The following SLC22A24 variants were observed in gnomAD, a reference collection of about 807,000 sequenced individuals.
SLC22A24 encodes solute carrier family 22 member 24.
Under a neutral mutation model 49.8 loss-of-function variants are expected in SLC22A24, and 53 were observed. That is an observed-to-expected ratio of 1.06 (90% CI 0.85 to 1.34). The LOEUF (loss-of-function observed/expected upper bound fraction) is 1.34. SLC22A24 is among the 40% of genes most tolerant of loss of function. The pLI, the probability that SLC22A24 is intolerant of heterozygous loss-of-function variation, is 0.00. For missense variants in SLC22A24, 786 were observed against 675.9 expected (o/e 1.16, Z -1.81); for synonymous variants, 302 against 256.4 (o/e 1.18, Z -1.70).
chr11:63,095,859 A>G (rs1322501745), intron 6 of SLC22A24, 132 bp downstream of exon 6: 3 of 674,240 alleles, frequency 4.4e-6, no homozygotes, highest in African/African-American at 1.8e-5. Context: ...ACTTAGAGGC[A>G]TACATTTGTA....
chr11:63,139,456 AAATAT>A (rs1392826818), intron 1 of SLC22A24, among the ~76,000 whole-genome samples: 1 of 152,140 alleles, frequency 6.6e-6, no homozygotes, highest in Non-Finnish European at 1.5e-5. Context: ...ACTAGGTAGG[AAATAT>A]ACCTTAGGGG....
At chr11:63,084,234 T>C (rs2086975152) in intron 6 of SLC22A24, among the ~76,000 whole-genome samples, 1 of 152,170 alleles carries the variant, frequency 6.6e-6, no homozygotes, top group Admixed American at 6.5e-5. Flanking sequence ...CTGACATTTC[T>C]AAGCAGTCTA....
At position 63,112,940 on chromosome 11, in the gene SLC22A24, G is replaced by A. The variant is rs1254480254; in HGVS notation, c.830+5972C>T. On this transcript the variant is annotated intron_variant, in intron 4 of 9. Coordinates refer to ENST00000612278, the MANE Select transcript of SLC22A24 (RefSeq NM_001136506.2). ...TGAGGCAGGAGAATGGCGTGAACCC[G>A]GGAGCCGGAGCTTGTAGTGAGCCAA... Among the ~76,000 whole-genome samples the A allele has an allele frequency of 7.5e-5, 11 of 147,174 alleles. No homozygotes were observed. In the East Asian group the frequency reaches 1.4e-3, roughly 19 times the overall value.
In SLC22A24 at chr11:63,118,042, C is replaced by T. The variant is rs571114873; in HGVS notation, c.830+870G>A. 3.3e-5 allele frequency among the ~76,000 whole-genome samples: 5 copies of T among 152,262 alleles called. No individual in the cohort carries two copies. The South Asian group carries it at 6.2e-4, about 19-fold the overall frequency. ...GTCAGTAAATATGTTTGACAAATGC[C>T]TTATGAGGGGAGCCTTCTCACACTA... On this transcript the variant is annotated intron_variant, in intron 4 of 9. Transcript: ENST00000612278.
intron 2 of SLC22A24, among the ~76,000 whole-genome samples, chr11:63,128,606 C>A (rs993298936): frequency 6.6e-6 from 1 of 152,154 alleles, no homozygotes; most frequent in South Asian, 2.1e-4. Context: ...ATAGCAGTAG[C>A]AGAATTAGTG....
At chr11:63,094,237 C>T (rs541488774) in intron 6 of SLC22A24, among the ~76,000 whole-genome samples, 129 of 146,268 alleles carry the variant, frequency 8.8e-4, no homozygotes, top group African/African-American at 2.9e-3. Context: ...TGAGAACATG[C>T]AGTGTTTGGT....
rs1355910915 is a variant in SLC22A24 at position 63,144,068 on chromosome 11, A to T, written c.-289T>A. 4.0e-6 allele frequency: 1 copy of T among 253,048 alleles called. No individual in the cohort carries two copies. The highest frequency in any genetic ancestry group is 7.5e-6 in the Non-Finnish European group (1 of 133,574). The allele number at this position is 253,048 out of a possible 1,614,324, so 15.7% of individuals were successfully genotyped here. A position where few individuals can be genotyped will look rare whatever the true frequency, so the allele number is the denominator to read the frequency against. ...GTTGACAACTGAATCTTCTTAAAAG[A>T]CTACTCTGTGAAAGATCCTGATCTC... On this transcript the variant is annotated 5_prime_UTR_variant, in exon 1 of 10. Transcript: ENST00000612278.
chr11:63,083,434 T>C lies in SLC22A24; in HGVS notation c.1094A>G (p.Tyr365Cys). 6.4e-7 allele frequency: 1 copy of C among 1,551,180 alleles called. No homozygotes were observed. The highest frequency in any genetic ancestry group is 8.7e-7 in the Non-Finnish European group (1 of 1,146,704). The change falls in exon 7 of 10, where the codon TAT (tyrosine) becomes TGT (cysteine). Residue 365 changes from tyrosine (Y) to cysteine (C), a missense_variant. Transcript: ENST00000612278. ...GTGCTGCAAGTTGAGTATCAGGCCA[T>C]AAAAGGGTACAGTGATTGCGAATCT... The part of the protein sequence containing the change: ...FVRFAITVPF[Y>C]GLILNLQHLG...
At chr11:63,113,853 C>CAAAA (rs376625916) in intron 4 of SLC22A24, among the ~76,000 whole-genome samples, 2 of 100,230 alleles carry the variant, frequency 2.0e-5, no homozygotes, top group Non-Finnish European at 4.1e-5. Context: ...GACTCCATCT[C>CAAAA]AAAAAAAAAA....
chr11:63,083,413 T>A lies in SLC22A24; in HGVS notation c.1115A>T (p.Gln372Leu). ...VPFYGLILNL[Q>L]HLGSNVSLFQ... ...CAGGGAGACATTGCTCCCTAAGTGC[T>A]GCAAGTTGAGTATCAGGCCATAAAA... is the stretch of plus-strand genomic sequence containing the variant. The change falls in exon 7 of 10, where the codon CAG (glutamine) becomes CTG (leucine). Residue 372 changes from glutamine to leucine, a missense_variant. Transcript: ENST00000612278. 1 of 1,551,484 alleles carries A rather than the reference T, an allele frequency of 6.4e-7. No homozygotes were observed. The highest frequency in any genetic ancestry group is 8.7e-7 in the Non-Finnish European group (1 of 1,146,862).
chr11:63,080,864 A>G (rs2086955333), intron 9 of SLC22A24, 56 bp downstream of exon 9: 2 of 1,449,598 alleles, frequency 1.4e-6, no homozygotes, highest in South Asian at 1.3e-5. Flanking sequence ...TTCTCATTAA[A>G]CAGCTACAGC....
intron 4 of SLC22A24, among the ~76,000 whole-genome samples, chr11:63,114,922 C>T (rs1297512721): frequency 6.6e-6 from 1 of 152,154 alleles, no homozygotes; most frequent in Non-Finnish European, 1.5e-5. Context: ...CTGCCTAATC[C>T]TTCCTCTGGA....
At chr11:63,123,873 A>C (rs952757215) in intron 2 of SLC22A24, among the ~76,000 whole-genome samples, 1 of 152,198 alleles carries the variant, frequency 6.6e-6, no homozygotes, top group Non-Finnish European at 1.5e-5. Context: ...CTATTTCAAC[A>C]GCCTTTTAAA....
At chr11:63,114,458 A>G (rs990975130) in intron 4 of SLC22A24, among the ~76,000 whole-genome samples, 5 of 152,038 alleles carry the variant, frequency 3.3e-5, no homozygotes, top group Admixed American at 1.3e-4. Flanking sequence ...CCATCATCTA[A>G]TCGTTTTTCA....
intron 2 of SLC22A24, among the ~76,000 whole-genome samples, chr11:63,128,732 C>G (rs1041534867): frequency 6.6e-6 from 1 of 152,136 alleles, no homozygotes; most frequent in Non-Finnish European, 1.5e-5. Context: ...GACACATGAC[C>G]CATGTGACCT....
intron 2 of SLC22A24, among the ~76,000 whole-genome samples, chr11:63,120,957 A>G (rs980292778): frequency 6.6e-6 from 1 of 152,188 alleles, no homozygotes; most frequent in Non-Finnish European, 1.5e-5. Context: ...GAGAATGTAT[A>G]TATCCTCAAT....
At chr11:63,088,275 A>T (rs571432367) in intron 6 of SLC22A24, among the ~76,000 whole-genome samples, 2 of 152,186 alleles carry the variant, frequency 1.3e-5, no homozygotes, top group East Asian at 3.9e-4. Context: ...GGTGATACCC[A>T]GGTGAAAAGG....
intron 4 of SLC22A24, among the ~76,000 whole-genome samples, chr11:63,112,977 T>C: frequency 7.6e-6 from 1 of 131,944 alleles, no homozygotes; most frequent in Non-Finnish European, 1.5e-5. Context: ...TTTGTGCCAC[T>C]GGACTCCAGC....
intron 2 of SLC22A24, among the ~76,000 whole-genome samples, chr11:63,132,774 G>A (rs749351232): frequency 7.2e-5 from 11 of 152,178 alleles, no homozygotes; most frequent in Non-Finnish European, 1.5e-4. Flanking sequence ...ACCCACTTGA[G>A]GAGGCAGCCT....
Sources: gnomAD v4.1 joint callset for allele counts (sites outside exome capture counted in the v4.1 genomes callset) on GRCh38, gnomAD v4.1.1 for gene constraint, MANE v1.5 for transcripts, NCBI Gene and HGNC (gene_info 2026-07-23, HGNC 2026-07-21) for gene names.